ATG7: variants seen among roughly 807,000 people sequenced by gnomAD.
ATG7 encodes ubiquitin-like modifier-activating enzyme ATG7.
Under a neutral mutation model 82.4 loss-of-function variants are expected in ATG7, and 70 were observed. That is an observed-to-expected ratio of 0.85 (90% CI 0.70 to 1.04). The LOEUF is 1.04. ATG7 is among the 50% of genes least tolerant of loss of function. ATG7 has a pLI of 0.00. For synonymous variants in ATG7, 287 were observed against 313.0 expected, an observed-to-expected ratio of 0.92 and a Z score of 0.88; for missense variants, 792 against 864.3, an observed-to-expected ratio of 0.92 and a Z score of 1.05.
At chr3:11,476,713 C>G (rs902394451) in intron 20 of ATG7, among the ~76,000 whole-genome samples, 4 of 152,160 alleles carry the variant, frequency 2.6e-5, no homozygotes, top group African/African-American at 9.7e-5. Flanking sequence ...AAATGAAAAT[C>G]AGATGTTTTT....
Position 11,390,926 on chromosome 3 carries a change from A to G in ATG7, c.1956+10874A>G, listed in dbSNP as rs115453251. Among the ~76,000 whole-genome samples, 1,011 of 152,306 alleles carry G rather than the reference A, an allele frequency of 6.6e-3. 5 individuals are homozygous for G. Among genetic ancestry groups the G allele is most frequent in the Non-Finnish European group, 0.01 (698 of 68,022 alleles). On this transcript the variant is annotated intron_variant, in intron 19 of 20. Coordinates refer to ENST00000693202, the MANE Select transcript of ATG7 (RefSeq NM_001349232.2). ...TGGCTTTATCTGCTACCCACTAACC[A>G]TGTGACCTTGAGCAAGTATCTCAAA...
intron 20 of ATG7, among the ~76,000 whole-genome samples, chr3:11,534,186 A>C (rs936396697): frequency 1.3e-5 from 2 of 152,270 alleles, no homozygotes; most frequent in African/African-American, 4.8e-5. Flanking sequence ...TGAATGAGAA[A>C]GGAACTGGAG....
Position 11,333,077 on chromosome 3 carries a change from A to G in ATG7, c.873A>G (p.Glu291=), listed in dbSNP as rs142220561. Residue 291 remains glutamate, a synonymous_variant, in exon 11 of 21, where the codon GAA becomes GAG. Coordinates refer to ENST00000693202, the MANE Select transcript of ATG7 (RefSeq NM_001349232.2). The stretch of plus-strand genomic sequence containing the variant: ...TCATCTTCGAAGTGAAGCTTCCAGA[A>G]ATGGCATTTAGCCCAGGTAATTTGC... ...HSIIFEVKLP[E]MAFSPDCPKA... is the part of the protein sequence containing the mutation. 1,444 of 1,563,658 alleles carry G rather than the reference A, an allele frequency of 9.2e-4. No individual in the cohort carries two copies. The highest frequency in any genetic ancestry group is 1.2e-3 in the Non-Finnish European group (1,367 of 1,157,368).
chr3:11,345,332 C>G (rs771159580), intron 13 of ATG7, among the ~76,000 whole-genome samples: 2 of 152,178 alleles, frequency 1.3e-5, no homozygotes, highest in Non-Finnish European at 2.9e-5. Context: ...TGGCGTGAAC[C>G]CAGGAGGTGG....
chr3:11,337,230 G>A (rs1397873346), intron 11 of ATG7, among the ~76,000 whole-genome samples: 3 of 152,112 alleles, frequency 2.0e-5, no homozygotes, highest in Admixed American at 6.5e-5. Flanking sequence ...CAAGGCAGGC[G>A]GATCATGAGG....
intron 20 of ATG7, among the ~76,000 whole-genome samples, chr3:11,460,699 C>T (rs556684223): frequency 1.4e-4 from 21 of 152,324 alleles, no homozygotes; most frequent in African/African-American, 4.6e-4. Flanking sequence ...TGCCCCCTCC[C>T]AAATTTCATC....
intron 20 of ATG7, among the ~76,000 whole-genome samples, chr3:11,511,665 G>C (rs550742718): frequency 2.3e-4 from 35 of 152,320 alleles, no homozygotes; most frequent in African/African-American, 8.4e-4. Context: ...CGTCGGGGAG[G>C]CTCCGGCCGC....
At chr3:11,350,875 G>A (rs931478220) in intron 14 of ATG7, among the ~76,000 whole-genome samples, 1 of 141,530 alleles carries the variant, frequency 7.1e-6, no homozygotes, top group African/African-American at 2.7e-5. Flanking sequence ...GATCGCTTAA[G>A]GCCAGAAGTT....
the ATG7 span, among the ~76,000 whole-genome samples, chr3:11,570,531 C>T: frequency 3.2e-4 from 48 of 152,286 alleles, 1 homozygote; most frequent in East Asian, 6.8e-3. Context: ...TGGCTCCGCA[C>T]GGGTGACCAC....
intron 20 of ATG7, among the ~76,000 whole-genome samples, chr3:11,511,785 G>T (rs1049400273): frequency 6.6e-6 from 1 of 152,154 alleles, no homozygotes; most frequent in Non-Finnish European, 1.5e-5. Context: ...GCACAGCACC[G>T]GTGGGCTGGT....
intron 20 of ATG7, among the ~76,000 whole-genome samples, chr3:11,494,085 A>G (rs1271756994): frequency 1.3e-5 from 2 of 152,200 alleles, no homozygotes. Flanking sequence ...TGCTTGCCAC[A>G]CAGAAAGCCA....
At chr3:11,570,063 A>G in the ATG7 span, among the ~76,000 whole-genome samples, 1 of 152,030 alleles carries the variant, frequency 6.6e-6, no homozygotes, top group African/African-American at 2.4e-5. Flanking sequence ...CTTCCTCCCA[A>G]CCTTTACCTG....
intron 13 of ATG7, among the ~76,000 whole-genome samples, chr3:11,343,976 G>A (rs1163124925): frequency 3.3e-5 from 5 of 152,014 alleles, no homozygotes; most frequent in Non-Finnish European, 7.4e-5. Context: ...GATCATCTTT[G>A]TTTTTCAGTA....
chr3:11,455,859 A>C (rs1289565866), intron 20 of ATG7, among the ~76,000 whole-genome samples: 1 of 152,142 alleles, frequency 6.6e-6, no homozygotes, highest in African/African-American at 2.4e-5. Flanking sequence ...ACTTCTCAAA[A>C]CTTACCTCAA....
At chr3:11,326,993 T>C (rs148274113) in intron 9 of ATG7, among the ~76,000 whole-genome samples, 26 of 152,312 alleles carry the variant, frequency 1.7e-4, no homozygotes, top group African/African-American at 5.8e-4. Context: ...CAGTTTTGTA[T>C]GGAAGCTTCA....
At chr3:11,367,246 T>A (rs1469229426) in intron 18 of ATG7, among the ~76,000 whole-genome samples, 1 of 152,202 alleles carries the variant, frequency 6.6e-6, no homozygotes, top group Non-Finnish European at 1.5e-5. Flanking sequence ...TGCAATGCCC[T>A]GTTGCAAACT....
rs569774832 is a variant in ATG7, at chr3:11,273,201, A to C, written c.-366+771A>C. On this transcript the variant is annotated intron_variant, in intron 1 of 20. Coordinates refer to ENST00000693202, the MANE Select transcript of ATG7 (RefSeq NM_001349232.2). ...CTCAGTTTTTACAAAACCCTGTTCA[A>C]CTGTAACCAGTCATATCTGTGGCTG... Among the ~76,000 whole-genome samples the C allele has an allele frequency of 7.9e-5, 12 of 152,350 alleles. No individual in the cohort carries two copies. In the East Asian group the frequency reaches 2.3e-3, roughly 29 times the overall value.
chr3:11,393,164 T>A (rs1456818737), intron 19 of ATG7, among the ~76,000 whole-genome samples: 1 of 152,214 alleles, frequency 6.6e-6, no homozygotes, highest in African/African-American at 2.4e-5. Context: ...CAGATTCTTA[T>A]AACCCACGTA....
intron 20 of ATG7, among the ~76,000 whole-genome samples, chr3:11,457,388 C>T (rs1345276475): frequency 6.6e-6 from 1 of 152,018 alleles, no homozygotes; most frequent in Non-Finnish European, 1.5e-5. Flanking sequence ...TGAGTAATGA[C>T]ACACACAAGA....
Sources: allele counts gnomAD v4.1 joint callset (sites outside exome capture counted in the v4.1 genomes callset), GRCh38; gene constraint gnomAD v4.1.1; transcripts MANE v1.5; gene names NCBI Gene and HGNC (gene_info 2026-07-23, HGNC 2026-07-21).